The following ZNF609 variants were observed in gnomAD, a reference collection of about 807,000 sequenced individuals.
ZNF609 encodes zinc finger protein 609.
ZNF609 carries 11 observed loss-of-function variants against 109.5 expected under a neutral mutation model. The ratio of observed to expected loss-of-function variants is 0.10; its 90% CI spans 0.06 to 0.17. The LOEUF (loss-of-function observed/expected upper bound fraction) is 0.17, where lower values mean the gene tolerates loss of function less well. Among genes scored for constraint, ZNF609 ranks in the 10% least tolerant of loss-of-function variants. The probability of loss-of-function intolerance (pLI) is 1.00; values close to 1 mark genes in which losing one functional copy is unlikely to be tolerated. For missense variants in ZNF609, 1,559 were observed against 1,772.4 expected (o/e 0.88, Z 2.16); for synonymous variants, 646 against 662.0 (o/e 0.98, Z 0.37).
In ZNF609 at chr15:64,674,808, A is replaced by G; in HGVS notation, c.1954A>G (p.Ser652Gly). Reference sequence around the variant, plus strand: ...AAAACCTGAAAAGATTCCTTCCAAGAGCCTAAAGTCAGCCCGTCCCATTGC... The same window carrying G: ...AAAACCTGAAAAGATTCCTTCCAAGGGCCTAAAGTCAGCCCGTCCCATTGC... ...SLKPEKIPSK[S>G]LKSARPIAPA... is the part of the protein sequence containing the mutation. The change falls in exon 5 of 10, where the codon AGC becomes GGC. Residue 652 changes from serine (S) to glycine (G), a missense_variant. By Grantham distance (56) the Ser-to-Gly change is moderately conservative (BLOSUM62 0). This residue lies in a region of ZNF609 where 1,204 missense variants were observed against 1,314.1 expected (regional missense o/e 0.92). Coordinates refer to ENST00000326648, the MANE Select transcript of ZNF609 (RefSeq NM_015042.2). 1 of 1,614,126 alleles carries G rather than the reference A, an allele frequency of 6.2e-7. No homozygotes were observed. Among genetic ancestry groups the G allele is most frequent in the Non-Finnish European group, 8.5e-7 (1 of 1,180,008 alleles).
intron 1 of ZNF609, among the ~76,000 whole-genome samples, chr15:64,480,463 G>A (rs370981805): frequency 3.7e-4 from 55 of 149,630 alleles, no homozygotes; most frequent in African/African-American, 1.3e-3. Flanking sequence ...CCCAGGAGGC[G>A]GAAGTTGCAG....
At chr15:64,628,211 G>A (rs1329739558) in intron 3 of ZNF609, among the ~76,000 whole-genome samples, 2 of 152,018 alleles carry the variant, frequency 1.3e-5, no homozygotes, top group Non-Finnish European at 2.9e-5. Context: ...TAAGGCAGGA[G>A]GATCACTTGA....
At chr15:64,578,229 G>T (rs998063439) in intron 2 of ZNF609, among the ~76,000 whole-genome samples, 1 of 151,714 alleles carries the variant, frequency 6.6e-6, no homozygotes, top group African/African-American at 2.4e-5. Context: ...ACTGCGCCCA[G>T]CCAAGGTTTT....
chr15:64,680,935 T>C lies in ZNF609; in HGVS notation c.4162+73T>C, dbSNP rs557491808. 5.9e-5 allele frequency: 92 copies of C among 1,554,464 alleles called. No individual in the cohort carries two copies. The South Asian group carries it at 1.0e-3, about 17-fold the overall frequency. On this transcript the variant is annotated intron_variant, in intron 8 of 9. Coordinates refer to ENST00000326648, the MANE Select transcript of ZNF609 (RefSeq NM_015042.2). ...GTTTATCTTCATCCCAGTAGTAATG[T>C]CCACAGCTAGGACCCTCCTACCTGC...
At chr15:64,626,926 G>A (rs1352546047) in intron 3 of ZNF609, among the ~76,000 whole-genome samples, 1 of 152,118 alleles carries the variant, frequency 6.6e-6, no homozygotes, top group Non-Finnish European at 1.5e-5. Flanking sequence ...AGTTCCACTG[G>A]ATTTTGCTTT....
chr15:64,540,175 C>G (rs1347719632), intron 2 of ZNF609, among the ~76,000 whole-genome samples: 1 of 152,214 alleles, frequency 6.6e-6, no homozygotes, highest in Non-Finnish European at 1.5e-5. Context: ...TTCATCTTTT[C>G]TTCCCCACAG....
At chr15:64,631,351 C>T in intron 3 of ZNF609, 1 of 717,122 alleles carries the variant, frequency 1.4e-6, no homozygotes, top group Non-Finnish European at 2.6e-6. Context: ...AAGAATCTTG[C>T]CCTTGTTTGT....
At chr15:64,629,290 A>C (rs1022957176) in intron 3 of ZNF609, among the ~76,000 whole-genome samples, 1 of 152,166 alleles carries the variant, frequency 6.6e-6, no homozygotes, top group African/African-American at 2.4e-5. Context: ...AGCCTTATCC[A>C]CAATATATTT....
At chr15:64,590,048 G>T (rs992848042) in intron 2 of ZNF609, among the ~76,000 whole-genome samples, 1 of 152,150 alleles carries the variant, frequency 6.6e-6, no homozygotes, top group Non-Finnish European at 1.5e-5. Context: ...TGGGCTGGAT[G>T]GAGAAGGTAA....
chr15:64,582,272 A>G (rs925118956), intron 2 of ZNF609, among the ~76,000 whole-genome samples: 1 of 152,180 alleles, frequency 6.6e-6, no homozygotes, highest in African/African-American at 2.4e-5. Flanking sequence ...TCAAAGCCTA[A>G]GGTATTTATT....
At chr15:64,658,792 C>CAA (rs199554544) in intron 3 of ZNF609, among the ~76,000 whole-genome samples, 8 of 133,134 alleles carry the variant, frequency 6.0e-5, no homozygotes, top group African/African-American at 1.6e-4. Context: ...GATCCTGTCT[C>CAA]AAAAAAAAAA....
At chr15:64,539,789 A>C (rs1458651896) in intron 2 of ZNF609, among the ~76,000 whole-genome samples, 2 of 152,050 alleles carry the variant, frequency 1.3e-5, no homozygotes, top group East Asian at 3.9e-4. Flanking sequence ...CACTACGCCC[A>C]GCCTACCTGC....
chr15:64,610,396 T>C (rs1486921069), intron 2 of ZNF609, among the ~76,000 whole-genome samples: 5 of 152,108 alleles, frequency 3.3e-5, no homozygotes, highest in African/African-American at 1.2e-4. Flanking sequence ...GCTTAATACC[T>C]GGATGATGAA....
intron 2 of ZNF609, among the ~76,000 whole-genome samples, chr15:64,548,547 GC>G (rs1229475518): frequency 8.5e-5 from 13 of 152,302 alleles, no homozygotes; most frequent in African/African-American, 2.9e-4. Context: ...GATTGCTGGA[GC>G]CTAGGAATTC....
chr15:64,489,597 T>G (rs1893383640), intron 1 of ZNF609, among the ~76,000 whole-genome samples: 1 of 145,532 alleles, frequency 6.9e-6, no homozygotes, highest in African/African-American at 2.6e-5. Context: ...AGGCGTGATC[T>G]CAGCTCACTG....
At chr15:64,582,723 CTT>C (rs538806936) in intron 2 of ZNF609, among the ~76,000 whole-genome samples, 5 of 88,808 alleles carry the variant, frequency 5.6e-5, no homozygotes, top group African/African-American at 1.8e-4. Context: ...TTTCTTTTTT[CTT>C]TTTTTTTTTT....
intron 2 of ZNF609, among the ~76,000 whole-genome samples, chr15:64,609,141 T>TTTTTCTTTC (rs1567028337): frequency 9.4e-5 from 14 of 149,044 alleles, no homozygotes; most frequent in African/African-American, 3.2e-4. Context: ...TTTTTCTTTC[T>TTTTTCTTTC]TTTTTTTCTC....
intron 3 of ZNF609, among the ~76,000 whole-genome samples, chr15:64,633,773 C>T (rs1387570084): frequency 2.0e-5 from 3 of 151,536 alleles, no homozygotes; most frequent in Admixed American, 6.6e-5. Flanking sequence ...CCCAGCTACT[C>T]GGGAGTCTGA....
rs140600840 is a variant in ZNF609 at position 64,665,150 on chromosome 15, G to A, written c.974-5196G>A. Among the ~76,000 whole-genome samples the A allele has an allele frequency of 5.7e-3, 866 of 152,228 alleles. 12 individuals are homozygous for A. Among genetic ancestry groups the A allele is most frequent in the African/African-American group, 0.02 (828 of 41,536 alleles). ...ATGCCATTTCCCTTAAGATGCCAGG[G>A]CACTGCAAAGGGATAGGATTCCTAT... On this transcript the variant is annotated intron_variant, in intron 3 of 9. Transcript: ENST00000326648.
Sources: allele counts gnomAD v4.1 joint callset (sites outside exome capture counted in the v4.1 genomes callset), GRCh38; gene constraint gnomAD v4.1.1; regional missense constraint gnomAD v4.1.1; transcripts MANE v1.5; gene names NCBI Gene and HGNC (gene_info 2026-07-23, HGNC 2026-07-21).